Variants in EDAR observed in about 807,000 individuals in gnomAD.
The protein encoded by EDAR is tumor necrosis factor receptor superfamily member EDAR.
In EDAR, 38 loss-of-function variants were observed where a neutral mutation model predicts 51.3. That is an observed-to-expected ratio of 0.74 (90% CI 0.57 to 0.97). The LOEUF (loss-of-function observed/expected upper bound fraction) is 0.97. Among genes scored for constraint, EDAR ranks in the 50% least tolerant of loss-of-function variants. The pLI, the probability that EDAR is intolerant of heterozygous loss-of-function variation, is 0.00. For synonymous variants in EDAR, 227 were observed against 242.1 expected, an observed-to-expected ratio of 0.94 and a Z score of 0.58; for missense variants, 528 against 595.0, an observed-to-expected ratio of 0.89 and a Z score of 1.17.
chr2:108,939,977 C>T (rs1045084729), intron 1 of EDAR, among the ~76,000 whole-genome samples: 7 of 152,184 alleles, frequency 4.6e-5, no homozygotes, highest in African/African-American at 1.7e-4. Context: ...TTCTGCTTCA[C>T]AACAAAAGCA....
chr2:108,987,814 G>A (rs1698521802), intron 1 of EDAR, among the ~76,000 whole-genome samples: 1 of 152,194 alleles, frequency 6.6e-6, no homozygotes, highest in Admixed American at 6.5e-5. Flanking sequence ...CTTGACCAGA[G>A]TCACTCTCTT....
At chr2:108,945,284 A>G (rs1170827057) in intron 1 of EDAR, among the ~76,000 whole-genome samples, 1 of 152,160 alleles carries the variant, frequency 6.6e-6, no homozygotes, top group Non-Finnish European at 1.5e-5. Context: ...ATCTTTAAAG[A>G]CATCTTTTAT....
intron 11 of EDAR, among the ~76,000 whole-genome samples, 189 bp from the exon 12 acceptor site, chr2:108,897,418 A>T (rs1696621306): frequency 6.6e-6 from 1 of 152,188 alleles, no homozygotes; most frequent in Admixed American, 6.5e-5. Flanking sequence ...TGCCAGCCAC[A>T]AGAGAGGGCT....
intron 1 of EDAR, among the ~76,000 whole-genome samples, chr2:108,961,462 C>T (rs112048374): frequency 0.011 from 1,612 of 152,272 alleles, 35 homozygotes; most frequent in African/African-American, 0.037. Flanking sequence ...TCCTTGGCTG[C>T]CCTGCCCTGC....
intron 1 of EDAR, among the ~76,000 whole-genome samples, chr2:108,937,558 ATGTG>A (rs34598565): frequency 2.4e-4 from 37 of 151,610 alleles, no homozygotes; most frequent in Admixed American, 6.6e-5. Flanking sequence ...TGTGAATGTT[ATGTG>A]TGTGTGTATG....
intron 1 of EDAR, among the ~76,000 whole-genome samples, chr2:108,970,638 C>G (rs545539243): frequency 6.6e-6 from 1 of 152,222 alleles, no homozygotes; most frequent in South Asian, 2.1e-4. Context: ...GGGAATACTT[C>G]ACTTCCTTCC....
chr2:108,910,039 G>A (rs1345514929), intron 9 of EDAR, among the ~76,000 whole-genome samples: 1 of 152,250 alleles, frequency 6.6e-6, no homozygotes, highest in African/African-American at 2.4e-5. Context: ...GGCACCAAAT[G>A]CTGTTAGCCG....
At chr2:108,955,756 G>A (rs961932776) in intron 1 of EDAR, among the ~76,000 whole-genome samples, 12 of 152,058 alleles carry the variant, frequency 7.9e-5, no homozygotes, top group African/African-American at 2.9e-4. Flanking sequence ...GTAGGGCGCG[G>A]TGGCTCATGC....
At chr2:108,933,806 G>A (rs572559038) in intron 1 of EDAR, among the ~76,000 whole-genome samples, 1 of 151,988 alleles carries the variant, frequency 6.6e-6, no homozygotes, top group African/African-American at 2.4e-5. Flanking sequence ...CCTGCAGCCC[G>A]TCAGGTGGGG....
chr2:108,943,652 A>G (rs896827508), intron 1 of EDAR, among the ~76,000 whole-genome samples: 3 of 152,010 alleles, frequency 2.0e-5, no homozygotes, highest in Non-Finnish European at 4.4e-5. Flanking sequence ...GACTCCGCGT[A>G]TTTTCCGTGG....
intron 1 of EDAR, among the ~76,000 whole-genome samples, chr2:108,944,761 G>T (rs1460667722): frequency 6.6e-6 from 1 of 152,150 alleles, no homozygotes; most frequent in Non-Finnish European, 1.5e-5. Flanking sequence ...GCACAGAGCC[G>T]GTCCCAGACC....
chr2:108,913,666 G>A (rs541693651), intron 5 of EDAR, among the ~76,000 whole-genome samples: 68 of 152,120 alleles, frequency 4.5e-4, no homozygotes, highest in Non-Finnish European at 4.4e-4. Context: ...AAGTGTATGC[G>A]ATAGCTATCT....
chr2:108,983,172 C>T (rs1182279330), intron 1 of EDAR, among the ~76,000 whole-genome samples: 5 of 152,102 alleles, frequency 3.3e-5, no homozygotes, highest in South Asian at 2.1e-4. Context: ...CAGAGGATGC[C>T]GCATGTCAAC....
rs191160045 is a variant in EDAR, at chr2:108,956,112, T to C, written c.-18-25080A>G. ...TTTGACTGTTTCATTCCCTATTGTC[T>C]TAATTATTCTTAACAACAGCCTTTT... On this transcript the variant is annotated intron_variant, in intron 1 of 11. Coordinates refer to ENST00000258443, the MANE Select transcript of EDAR (RefSeq NM_022336.4). 2.0e-4 allele frequency among the ~76,000 whole-genome samples: 31 copies of C among 152,348 alleles called. No individual in the cohort carries two copies. In the East Asian group the frequency reaches 5.8e-3, roughly 28 times the overall value.
At chr2:108,902,772 A>G (rs553104287) in intron 11 of EDAR, among the ~76,000 whole-genome samples, 2 of 152,380 alleles carry the variant, frequency 1.3e-5, no homozygotes, top group African/African-American at 4.8e-5. Flanking sequence ...TCAACAATTT[A>G]TAAAAAGCCT....
chr2:108,941,744 T>C (rs1278699998), intron 1 of EDAR, among the ~76,000 whole-genome samples: 1 of 152,192 alleles, frequency 6.6e-6, no homozygotes, highest in Non-Finnish European at 1.5e-5. Flanking sequence ...TCCTAGGATG[T>C]GTATTATGCT....
At chr2:108,960,073 G>A (rs1439246432) in intron 1 of EDAR, among the ~76,000 whole-genome samples, 1 of 152,170 alleles carries the variant, frequency 6.6e-6, no homozygotes, top group Non-Finnish European at 1.5e-5. Context: ...GGGAAGCTGG[G>A]TGCTGGCCTG....
chr2:108,941,740 G>A (rs191341797), intron 1 of EDAR, among the ~76,000 whole-genome samples: 1 of 152,284 alleles, frequency 6.6e-6, no homozygotes, highest in Non-Finnish European at 1.5e-5. Flanking sequence ...TCTCTCCTAG[G>A]ATGTGTATTA....
rs568666533 is a variant in EDAR, at chr2:108,985,611, G to C, written c.-19+3349C>G. Among the ~76,000 whole-genome samples, 47 of 152,296 alleles carry C rather than the reference G, an allele frequency of 3.1e-4. No individual in the cohort carries two copies. The South Asian group carries it at 8.5e-3, about 28-fold the overall frequency. Reference sequence around the variant, plus strand: ...TGTCTGGGCAAGAGGATCTGGGCAAGGAAGCAGGACCTCCAGCTTCACCCA... The same window carrying C: ...TGTCTGGGCAAGAGGATCTGGGCAACGAAGCAGGACCTCCAGCTTCACCCA... On this transcript the variant is annotated intron_variant, in intron 1 of 11. Coordinates refer to ENST00000258443, the MANE Select transcript of EDAR (RefSeq NM_022336.4).
Sources: allele counts gnomAD v4.1 joint callset (sites outside exome capture counted in the v4.1 genomes callset), GRCh38; gene constraint gnomAD v4.1.1; transcripts MANE v1.5; gene names NCBI Gene and HGNC (gene_info 2026-07-23, HGNC 2026-07-21).